The following VIT variants were observed in gnomAD, a reference collection of about 807,000 sequenced individuals.
VIT encodes the protein vitrin.
Under a neutral mutation model 78.0 loss-of-function variants are expected in VIT, and 99 were observed. The ratio of observed to expected loss-of-function variants is 1.27; its 90% CI spans 1.08 to 1.50. The LOEUF (loss-of-function observed/expected upper bound fraction) is 1.50, where lower values mean the gene tolerates loss of function less well. VIT is among the 40% of genes most tolerant of loss of function. The pLI, the probability that VIT is intolerant of heterozygous loss-of-function variation, is 0.00. For synonymous variants in VIT, 374 were observed against 334.3 expected, an observed-to-expected ratio of 1.12 and a Z score of -1.29; for missense variants, 1,126 against 875.3, an observed-to-expected ratio of 1.29 and a Z score of -3.61.
chr2:36,778,586 C>G (rs1670210593), intron 9 of VIT, among the ~76,000 whole-genome samples: 1 of 152,166 alleles, frequency 6.6e-6, no homozygotes, highest in South Asian at 2.1e-4. Flanking sequence ...GGATGGTAGC[C>G]CATTTATAAA....
At chr2:36,702,174 A>G (rs1282145493) in intron 1 of VIT, among the ~76,000 whole-genome samples, 1 of 152,178 alleles carries the variant, frequency 6.6e-6, no homozygotes, top group Non-Finnish European at 1.5e-5. Flanking sequence ...GCAGAGGGAA[A>G]AGCAAATGAA....
At chr2:36,739,836 C>T (rs199562116) in intron 3 of VIT, among the ~76,000 whole-genome samples, 8 of 152,296 alleles carry the variant, frequency 5.3e-5, no homozygotes, top group East Asian at 1.9e-4. Flanking sequence ...GGGCTCCCCA[C>T]GGCTCTCTGT....
chr2:36,712,758 C>T (rs1379411276), intron 1 of VIT, among the ~76,000 whole-genome samples: 1 of 152,194 alleles, frequency 6.6e-6, no homozygotes, highest in Non-Finnish European at 1.5e-5. Context: ...TTGCTTGAAC[C>T]CGGGAGGTGG....
chr2:36,773,765 C>T lies in VIT; in HGVS notation c.680-26C>T, dbSNP rs770465708. On this transcript the variant is annotated intron_variant, in intron 7 of 15. Coordinates refer to ENST00000379242, the MANE Select transcript of VIT (RefSeq NM_053276.4). ...ATTAATTAATTAAATAAAATTCATG[C>T]TCTGACCAGTCAAATGTCCTTACAG... is the stretch of plus-strand genomic sequence containing the variant. 9 of 1,549,634 alleles carry T rather than the reference C, an allele frequency of 5.8e-6. No individual in the cohort carries two copies. In the African/African-American group the frequency reaches 8.2e-5, roughly 14 times the overall value.
chr2:36,736,513 C>A (rs1344134604), intron 3 of VIT, among the ~76,000 whole-genome samples: 1 of 152,170 alleles, frequency 6.6e-6, no homozygotes, highest in Non-Finnish European at 1.5e-5. Flanking sequence ...GCTTTTCACA[C>A]ATAATGAAGC....
chr2:36,773,031 A>G (rs1433495122), intron 7 of VIT, among the ~76,000 whole-genome samples: 3 of 152,210 alleles, frequency 2.0e-5, no homozygotes, highest in African/African-American at 7.2e-5. Flanking sequence ...CTTCGCTCAC[A>G]GAGTAATTAA....
At chr2:36,784,375 G>C (rs1468885921) in intron 11 of VIT, among the ~76,000 whole-genome samples, 1 of 152,172 alleles carries the variant, frequency 6.6e-6, no homozygotes, top group South Asian at 2.1e-4. Flanking sequence ...GCTACCCAAA[G>C]TGTGGTCTGG....
chr2:36,790,779 G>A (rs1344295914), intron 12 of VIT, among the ~76,000 whole-genome samples: 1 of 152,232 alleles, frequency 6.6e-6, no homozygotes, highest in Non-Finnish European at 1.5e-5. Context: ...TGAAGACTGA[G>A]ACATCGTGTG....
At chr2:36,778,275 C>T (rs530526922) in intron 9 of VIT, among the ~76,000 whole-genome samples, 51 of 152,344 alleles carry the variant, frequency 3.3e-4, no homozygotes, top group African/African-American at 1.2e-3. Flanking sequence ...ATCAGCAACA[C>T]CACTGCCTCC....
chr2:36,734,469 C>T (rs1362301648), intron 3 of VIT, among the ~76,000 whole-genome samples: 1 of 152,090 alleles, frequency 6.6e-6, no homozygotes, highest in African/African-American at 2.4e-5. Flanking sequence ...TCCCCAGAGG[C>T]CTCCTCTCAA....
chr2:36,759,604 C>T (rs1175902267), intron 6 of VIT: 1 of 1,022,276 alleles, frequency 9.8e-7, no homozygotes, highest in African/African-American at 1.7e-5. Flanking sequence ...AAATCAAGAA[C>T]TGTACTATGC....
At chr2:36,766,993 G>A (rs1669469734) in intron 6 of VIT, 101 bp from the exon 7 acceptor site, 9 of 1,328,276 alleles carry the variant, frequency 6.8e-6, no homozygotes, top group Non-Finnish European at 8.9e-6. Context: ...GCACAGCTCT[G>A]TGCTCATAGC....
At chr2:36,705,418 C>T (rs527516182) in intron 1 of VIT, among the ~76,000 whole-genome samples, 37 of 152,280 alleles carry the variant, frequency 2.4e-4, no homozygotes, top group African/African-American at 8.2e-4. Context: ...CACCATTGGT[C>T]GAAGCCTTTG....
At chr2:36,797,565 T>C (rs1431429245) in intron 12 of VIT, among the ~76,000 whole-genome samples, 4 of 152,148 alleles carry the variant, frequency 2.6e-5, no homozygotes, top group African/African-American at 7.2e-5. Flanking sequence ...GCTTGGAAGA[T>C]AAACAACTTC....
At chr2:36,755,871 T>C (rs1432772928) in intron 5 of VIT, among the ~76,000 whole-genome samples, 2 of 152,096 alleles carry the variant, frequency 1.3e-5, no homozygotes, top group African/African-American at 4.8e-5. Flanking sequence ...TTTTTCTTTT[T>C]GGTGCTCATA....
chr2:36,732,083 A>T (rs370857314), intron 3 of VIT, among the ~76,000 whole-genome samples: 5 of 152,244 alleles, frequency 3.3e-5, no homozygotes, highest in African/African-American at 1.2e-4. Flanking sequence ...CCTGGGGCAG[A>T]TGTGTGTTCA....
At chr2:36,810,326 A>G (rs1667065533) in intron 15 of VIT, among the ~76,000 whole-genome samples, 1 of 152,272 alleles carries the variant, frequency 6.6e-6, no homozygotes, top group Non-Finnish European at 1.5e-5. Flanking sequence ...CTATGTCCAC[A>G]TAAAAATTTC....
At chr2:36,777,507 G>C (rs1670146798) in intron 9 of VIT, among the ~76,000 whole-genome samples, 1 of 152,300 alleles carries the variant, frequency 6.6e-6, no homozygotes, top group African/African-American at 2.4e-5. Context: ...TAGTGTGCCA[G>C]GCAATTGCCT....
chr2:36,714,577 G>A (rs1308625631), intron 1 of VIT, among the ~76,000 whole-genome samples: 2 of 152,214 alleles, frequency 1.3e-5, no homozygotes, highest in Non-Finnish European at 2.9e-5. Context: ...GTCCAGAGGG[G>A]AGGAGTGTTT....
Sources: gnomAD v4.1 joint callset for allele counts (sites outside exome capture counted in the v4.1 genomes callset) on GRCh38, gnomAD v4.1.1 for gene constraint, MANE v1.5 for transcripts, NCBI Gene and HGNC (gene_info 2026-07-23, HGNC 2026-07-21) for gene names.